Variants in WWOX observed in about 807,000 individuals in gnomAD.
WWOX encodes WW domain containing oxidoreductase, also known as WW domain-containing oxidoreductase.
Under a neutral mutation model 46.2 loss-of-function variants are expected in WWOX, and 69 were observed. The observed-to-expected ratio is 1.49, with a 90% confidence interval of 1.23 to 1.82. The LOEUF (loss-of-function observed/expected upper bound fraction) is 1.82. Ranked by LOEUF, WWOX falls within the 40% of genes most tolerant of loss-of-function variation. The pLI is 0.00. For synonymous variants in WWOX, 359 were observed against 202.6 expected (o/e 1.77, Z -6.56); for missense variants, 919 against 542.6 (o/e 1.69, Z -6.89).
At chr16:78,432,356 TA>T in intron 7 of WWOX, 131 bp from the exon 8 acceptor site, 2 of 1,252,288 alleles carry the variant, frequency 1.6e-6, no homozygotes, top group Non-Finnish European at 1.1e-6. Context: ...TCCACTCGTC[TA>T]AGACTCCCAA....
intron 8 of WWOX, among the ~76,000 whole-genome samples, chr16:78,545,093 T>A (rs2043996535): frequency 6.6e-6 from 1 of 152,208 alleles, no homozygotes; most frequent in South Asian, 2.1e-4. Context: ...TTCATTCTCA[T>A]TTTAGTGATT....
intron 5 of WWOX, among the ~76,000 whole-genome samples, chr16:78,294,796 G>A (rs1284350596): frequency 1.0e-4 from 12 of 120,056 alleles, no homozygotes; most frequent in Non-Finnish European, 7.6e-5. Flanking sequence ...ATGGGAAGGA[G>A]GGAAGAAGAG....
intron 5 of WWOX, among the ~76,000 whole-genome samples, chr16:78,268,723 A>C (rs1434814914): frequency 6.6e-6 from 1 of 152,258 alleles, no homozygotes; most frequent in Non-Finnish European, 1.5e-5. Context: ...AAATAAGCTA[A>C]GCAAATAAAT....
intron 8 of WWOX, among the ~76,000 whole-genome samples, chr16:78,696,932 G>C (rs2048112441): frequency 6.6e-6 from 1 of 152,132 alleles, no homozygotes; most frequent in African/African-American, 2.4e-5. Context: ...TTCCATTCCT[G>C]AGTTACTTCA....
intron 8 of WWOX, among the ~76,000 whole-genome samples, chr16:79,164,882 C>T (rs527704684): frequency 6.6e-6 from 1 of 152,246 alleles, no homozygotes; most frequent in South Asian, 2.1e-4. Flanking sequence ...CACACAAACA[C>T]AAACCAGGCA....
At chr16:78,871,688 C>A (rs1341773675) in intron 8 of WWOX, among the ~76,000 whole-genome samples, 3 of 152,224 alleles carry the variant, frequency 2.0e-5, no homozygotes, top group African/African-American at 7.2e-5. Context: ...CAACCTCTGC[C>A]TTCTGGGTTC....
At chr16:78,754,923 C>A (rs1227756953) in intron 8 of WWOX, among the ~76,000 whole-genome samples, 1 of 151,776 alleles carries the variant, frequency 6.6e-6, no homozygotes, top group Non-Finnish European at 1.5e-5. Flanking sequence ...TACTGCTGTC[C>A]CCAGGGAAGA....
intron 8 of WWOX, among the ~76,000 whole-genome samples, chr16:78,863,117 C>G (rs1356916181): frequency 6.6e-6 from 1 of 152,028 alleles, no homozygotes; most frequent in Non-Finnish European, 1.5e-5. Context: ...ACCACCAAGC[C>G]TGGCTAATTT....
intron 8 of WWOX, among the ~76,000 whole-genome samples, chr16:78,827,467 C>T (rs954193981): frequency 7.2e-5 from 11 of 152,022 alleles, no homozygotes; most frequent in Non-Finnish European, 1.3e-4. Flanking sequence ...CAAGTTTCTC[C>T]TTAACACATT....
intron 8 of WWOX, among the ~76,000 whole-genome samples, chr16:78,893,972 G>T (rs1459016832): frequency 2.0e-5 from 3 of 151,640 alleles, no homozygotes; most frequent in Non-Finnish European, 4.4e-5. Context: ...ATGTATTTGA[G>T]TACCAGGTAT....
At chr16:79,102,117 G>C (rs1045052965) in intron 8 of WWOX, among the ~76,000 whole-genome samples, 3 of 150,684 alleles carry the variant, frequency 2.0e-5, no homozygotes, top group Non-Finnish European at 4.4e-5. Context: ...CAGGGACTGA[G>C]GCCGGAAGCA....
chr16:78,267,433 T>C (rs2079390648), intron 5 of WWOX, among the ~76,000 whole-genome samples: 1 of 152,240 alleles, frequency 6.6e-6, no homozygotes, highest in Non-Finnish European at 1.5e-5. Flanking sequence ...ATATTTTATT[T>C]TGTAGTCTAT....
chr16:79,014,887 A>G (rs910914382), intron 8 of WWOX, among the ~76,000 whole-genome samples: 4 of 152,182 alleles, frequency 2.6e-5, no homozygotes, highest in African/African-American at 4.8e-5. Context: ...AGCTGTTTCA[A>G]TGAGCATTTA....
chr16:79,198,942 G>C (rs890347024), intron 8 of WWOX, among the ~76,000 whole-genome samples: 1 of 152,148 alleles, frequency 6.6e-6, no homozygotes, highest in East Asian at 1.9e-4. Flanking sequence ...ATTTATCATA[G>C]TGCAGTTGTT....
intron 8 of WWOX, among the ~76,000 whole-genome samples, chr16:78,921,161 C>CT (rs34953318): frequency 2.8e-4 from 42 of 151,546 alleles, no homozygotes; most frequent in African/African-American, 9.2e-4. Flanking sequence ...CATAAGGGAA[C>CT]TTTTTTTTTC....
intron 8 of WWOX, among the ~76,000 whole-genome samples, chr16:78,723,394 G>A (rs1199501794): frequency 2.0e-5 from 3 of 151,972 alleles, no homozygotes; most frequent in Non-Finnish European, 4.4e-5. Context: ...AAGGCGGAGT[G>A]ACCACAAGAT....
At chr16:78,435,081 G>A (rs774490453) in intron 8 of WWOX, among the ~76,000 whole-genome samples, 5 of 152,126 alleles carry the variant, frequency 3.3e-5, no homozygotes, top group Admixed American at 6.6e-5. Context: ...AAGTTGGATC[G>A]GTGACTGTAT....
intron 5 of WWOX, among the ~76,000 whole-genome samples, chr16:78,236,641 G>T (rs1245735798): frequency 1.3e-5 from 2 of 152,162 alleles, no homozygotes; most frequent in Non-Finnish European, 2.9e-5. Flanking sequence ...GCTCAAGCAG[G>T]ATAAGACACT....
rs149777943 is a variant in WWOX at position 78,529,597 on chromosome 16, G to C, written c.1056+96845G>C. On this transcript the variant is annotated intron_variant, in intron 8 of 8. Transcript: ENST00000566780. ...TTCTTCTGCCTCAGCCTCCTGAGTA[G>C]CTGGGATTACAGGTGCATGCCATCA... is the stretch of plus-strand genomic sequence containing the variant. Among the ~76,000 whole-genome samples, 383 of 152,216 alleles carry C rather than the reference G, an allele frequency of 2.5e-3. 3 individuals are homozygous for C. Among genetic ancestry groups the C allele is most frequent in the Non-Finnish European group, 3.9e-3 (266 of 68,006 alleles).
Sources: allele counts gnomAD v4.1 joint callset (sites outside exome capture counted in the v4.1 genomes callset), GRCh38; gene constraint gnomAD v4.1.1; transcripts MANE v1.5; gene names NCBI Gene and HGNC (gene_info 2026-07-23, HGNC 2026-07-21).